The following ZNF189 variants were observed in gnomAD, a reference collection of about 807,000 sequenced individuals.
ZNF189 encodes the protein zinc finger protein 189.
In ZNF189, 33 loss-of-function variants were observed where a neutral mutation model predicts 53.5. That is an observed-to-expected ratio of 0.62 (90% CI 0.47 to 0.82). ZNF189 has a LOEUF of 0.82. ZNF189 is among the 40% of genes least tolerant of loss of function. ZNF189 has a pLI of 0.00. For missense variants in ZNF189, 711 were observed against 753.9 expected (o/e 0.94, Z 0.67); for synonymous variants, 247 against 238.8 (o/e 1.03, Z -0.32).
chr9:101,409,157 A>G lies in ZNF189; in HGVS notation c.1389A>G (p.Lys463=), dbSNP rs748651455. Residue 463 remains lysine (K), a synonymous_variant, in exon 3 of 3, where the codon AAA becomes AAG. Transcript: ENST00000339664. ...EKSYKCDECG[K]TFSVSAHLVQ... is the part of the protein sequence containing the mutation. Reference sequence around the variant, plus strand: ...CTTATAAATGTGATGAATGTGGGAAAACTTTTAGTGTTAGTGCTCATCTTG... The same window carrying G: ...CTTATAAATGTGATGAATGTGGGAAGACTTTTAGTGTTAGTGCTCATCTTG... The G allele has an allele frequency of 6.2e-7, 1 of 1,614,138 alleles. No individual in the cohort carries two copies. The highest frequency in any genetic ancestry group is 1.1e-5 in the South Asian group (1 of 91,080).
At position 101,399,866 on chromosome 9, in the gene ZNF189, G is replaced by A. The variant is rs762264673; in HGVS notation, c.34-18G>A. 6.2e-7 allele frequency: 1 copy of A among 1,613,948 alleles called. No individual in the cohort carries two copies. The highest frequency in any genetic ancestry group is 8.5e-7 in the Non-Finnish European group (1 of 1,179,958). On this transcript the variant is annotated intron_variant, in intron 1 of 2. Coordinates refer to ENST00000339664, the MANE Select transcript of ZNF189 (RefSeq NM_003452.4). ...CTTGAGACAACAGGAACTGACTACA[G>A]AAATCATACTATTTCAGGGGTTGCT...
At chr9:101,403,363 C>G (rs1036253008) in intron 2 of ZNF189, among the ~76,000 whole-genome samples, 21 of 152,156 alleles carry the variant, frequency 1.4e-4, no homozygotes, top group Admixed American at 1.4e-3. Context: ...ACAGTCTTTT[C>G]ATCCTCCTCA....
At position 101,407,827 on chromosome 9, in the gene ZNF189, C is replaced by G. The variant is rs182010586; in HGVS notation, c.161-102C>G. On this transcript the variant is annotated intron_variant, in intron 2 of 2. Coordinates refer to ENST00000339664, the MANE Select transcript of ZNF189 (RefSeq NM_003452.4). Reference sequence around the variant, plus strand: ...TGTTTTCCTTGATAGACTGATTAATCCCACCTTGACTTTATTTGTTTCTTT... The same window carrying G: ...TGTTTTCCTTGATAGACTGATTAATGCCACCTTGACTTTATTTGTTTCTTT... The G allele has an allele frequency of 7.1e-5, 87 of 1,221,998 alleles. No individual in the cohort carries two copies. In the East Asian group the frequency reaches 2.3e-3, roughly 32 times the overall value. The allele number at this position is 1,221,998 out of a possible 1,614,324, so 75.7% of individuals were successfully genotyped here. A position where few individuals can be genotyped will look rare whatever the true frequency, so the allele number is the denominator to read the frequency against.
intron 2 of ZNF189, among the ~76,000 whole-genome samples, chr9:101,401,352 T>C (rs1229401960): frequency 6.6e-6 from 1 of 152,198 alleles, no homozygotes; most frequent in East Asian, 1.9e-4. Context: ...CCAATAAGCA[T>C]GAACTCTCAA....
intron 2 of ZNF189, among the ~76,000 whole-genome samples, chr9:101,406,522 A>T (rs904105047): frequency 6.6e-6 from 1 of 152,214 alleles, no homozygotes; most frequent in African/African-American, 2.4e-5. Context: ...GAAAGAAAAT[A>T]CAGCCCACTG....
intron 2 of ZNF189, among the ~76,000 whole-genome samples, chr9:101,400,576 C>T (rs1830497217): frequency 6.6e-6 from 1 of 152,238 alleles, no homozygotes; most frequent in Admixed American, 6.5e-5. Flanking sequence ...TTTTTCCACT[C>T]AATTCCTTTT....
chr9:101,403,065 C>T (rs1488567153), intron 2 of ZNF189, among the ~76,000 whole-genome samples: 1 of 151,704 alleles, frequency 6.6e-6, no homozygotes, highest in Non-Finnish European at 1.5e-5. Flanking sequence ...TTCCTGCACA[C>T]CACTTTAGTC....
rs1830573707 is a variant in ZNF189 at position 101,402,513 on chromosome 9, T to C, written c.160+2503T>C. The stretch of plus-strand genomic sequence containing the variant: ...GTTGAGTTTCCAATTCCTAGTCATC[T>C]TTTGAAGACCACATGAGTAATTCAA... On this transcript the variant is annotated intron_variant, in intron 2 of 2. Transcript: ENST00000339664. 2.6e-5 allele frequency among the ~76,000 whole-genome samples: 4 copies of C among 152,216 alleles called. No homozygotes were observed. In the South Asian group the frequency reaches 6.2e-4, roughly 24 times the overall value.
intron 1 of ZNF189, 153 bp downstream of exon 1, chr9:101,399,342 G>A: frequency 7.2e-7 from 1 of 1,391,988 alleles, no homozygotes; most frequent in Non-Finnish European, 9.3e-7. Flanking sequence ...GCATTGGGGT[G>A]CGGTTCGCGA....
Position 101,408,192 on chromosome 9 carries a change from A to G in ZNF189, c.424A>G (p.Asn142Asp). The G allele has an allele frequency of 1.2e-6, 2 of 1,614,202 alleles. No homozygotes were observed. Among genetic ancestry groups the G allele is most frequent in the Non-Finnish European group, 1.7e-6 (2 of 1,180,032 alleles). ...CACTAACATTATCCGTAAAAGACCA[A>G]ACTCAGAAGAGAAATGCCATAAATG... ...ENTNIIRKRP[N>D]SEEKCHKCEE... The change falls in exon 3 of 3, where the codon AAC (asparagine) becomes GAC (aspartate). Residue 142 changes from asparagine (N) to aspartate (D), a missense_variant. Asn to Asp is a conservative substitution (Grantham distance 23, BLOSUM62 1). Transcript: ENST00000339664.
Position 101,409,414 on chromosome 9 carries a change from T to G in ZNF189, c.1646T>G (p.Phe549Cys). The G allele has an allele frequency of 1.9e-6, 3 of 1,614,160 alleles. No individual in the cohort carries two copies. Among genetic ancestry groups the G allele is most frequent in the Non-Finnish European group, 2.5e-6 (3 of 1,180,014 alleles). ...PHKCDECGKA[F>C]SRNSGLIQHQ... ...AAATGTGATGAATGTGGAAAGGCCT[T>G]TAGCCGGAACTCGGGTCTTATTCAG... is the stretch of plus-strand genomic sequence containing the variant. Residue 549 changes from phenylalanine (F) to cysteine (C), a missense_variant, in exon 3 of 3, where the codon TTT becomes TGT. Coordinates refer to ENST00000339664, the MANE Select transcript of ZNF189 (RefSeq NM_003452.4).
At position 101,409,241 on chromosome 9, in the gene ZNF189, A is replaced by G. The variant is rs45455902; in HGVS notation, c.1473A>G (p.Lys491=). 118,841 of 1,614,072 alleles carry G rather than the reference A, an allele frequency of 0.074. 4,898 individuals carry two copies. Among genetic ancestry groups the G allele is most frequent in the Middle Eastern group, 0.14 (819 of 6,062 alleles). ...CCTATCTATGTACTGTCTGTGGGAA[A>G]AGCTTCAGCCGGAGCTCATTTCTTA... ...EKPYLCTVCG[K]SFSRSSFLIE... Residue 491 remains lysine (K), a synonymous_variant, in exon 3 of 3, where the codon AAA becomes AAG. Transcript: ENST00000339664.
intron 2 of ZNF189, among the ~76,000 whole-genome samples, chr9:101,400,622 ATAACT>A (rs1830498919): frequency 6.6e-6 from 1 of 152,180 alleles, no homozygotes; most frequent in Admixed American, 6.5e-5. Context: ...TCCTTCACAC[ATAACT>A]TTGTCACATG....
At chr9:101,401,592 T>C (rs1830537000) in intron 2 of ZNF189, among the ~76,000 whole-genome samples, 1 of 152,232 alleles carries the variant, frequency 6.6e-6, no homozygotes, top group Non-Finnish European at 1.5e-5. Context: ...GCCTATGATT[T>C]ACTACTTGTT....
intron 1 of ZNF189, chr9:101,399,489 C>A (rs1270759706): frequency 1.2e-5 from 16 of 1,297,462 alleles, no homozygotes; most frequent in Non-Finnish European, 1.6e-5. Context: ...TTTTGACCTT[C>A]CCTTGTGTCT....
In ZNF189 at chr9:101,410,352, T is replaced by G. The variant is rs1210802961; in HGVS notation, c.*703T>G. The G allele has an allele frequency of 6.6e-6, 1 of 152,648 alleles. No homozygotes were observed. Among genetic ancestry groups the G allele is most frequent in the Non-Finnish European group, 1.5e-5 (1 of 68,050 alleles). The allele number at this position is 152,648 out of a possible 1,614,324, so 9.5% of individuals were successfully genotyped here. A position where few individuals can be genotyped will look rare whatever the true frequency, so the allele number is the denominator to read the frequency against. On this transcript the variant is annotated 3_prime_UTR_variant, in exon 3 of 3. Transcript: ENST00000339664. ...GGACCCAAAAAAGTGGAGGAAGATA[T>G]TGTTCTTTTGTGCCCTCCTACCTGT... is the stretch of plus-strand genomic sequence containing the variant.
At chr9:101,399,363 C>T (rs1830444525) in intron 1 of ZNF189, 174 bp downstream of exon 1, 5 of 1,385,492 alleles carry the variant, frequency 3.6e-6, no homozygotes, top group Middle Eastern at 2.6e-4. Flanking sequence ...ACAAACTGCC[C>T]ACTGGCTCCC....
chr9:101,400,813 C>T (rs926407929), intron 2 of ZNF189, among the ~76,000 whole-genome samples: 2 of 152,186 alleles, frequency 1.3e-5, no homozygotes, highest in Non-Finnish European at 2.9e-5. Flanking sequence ...ACCAGTTATT[C>T]GGAAATGGAA....
chr9:101,407,259 C>T (rs1158255169), intron 2 of ZNF189, among the ~76,000 whole-genome samples: 1 of 152,152 alleles, frequency 6.6e-6, no homozygotes, highest in East Asian at 1.9e-4. Context: ...TGTCTTATCT[C>T]TGAATCCTGG....
Sources: gnomAD v4.1 joint callset for allele counts (sites outside exome capture counted in the v4.1 genomes callset) on GRCh38, gnomAD v4.1.1 for gene constraint, MANE v1.5 for transcripts, NCBI Gene and HGNC (gene_info 2026-07-23, HGNC 2026-07-21) for gene names.